The following MAP2K1 variants were observed in gnomAD, a reference collection of about 807,000 sequenced individuals.
MAP2K1 encodes mitogen-activated protein kinase kinase 1.
MAP2K1 carries 16 observed loss-of-function variants against 46.3 expected under a neutral mutation model. The observed-to-expected ratio is 0.35, with a 90% CI of 0.23 to 0.52. MAP2K1 has a LOEUF of 0.52. Ranked by LOEUF, MAP2K1 falls within the 20% of genes least tolerant of loss-of-function variation. The probability of loss-of-function intolerance (pLI) is 0.94; values close to 1 mark genes in which losing one functional copy is unlikely to be tolerated. For synonymous variants in MAP2K1, 183 were observed against 185.6 expected (o/e 0.99, Z 0.11); for missense variants, 263 against 497.1 (o/e 0.53, Z 4.48).
At chr15:66,461,130 A>G (rs1892308364) in intron 5 of MAP2K1, among the ~76,000 whole-genome samples, 1 of 152,300 alleles carries the variant, frequency 6.6e-6, no homozygotes, top group East Asian at 1.9e-4. Context: ...TGAAACTCAG[A>G]GTGAATTTTA....
At chr15:66,472,075 CAAA>C (rs56820379) in intron 5 of MAP2K1, among the ~76,000 whole-genome samples, 3 of 91,576 alleles carry the variant, frequency 3.3e-5, no homozygotes, top group African/African-American at 4.6e-5. Flanking sequence ...GACTCCATCT[CAAA>C]AAAAAAAAAA....
chr15:66,398,736 A>T (rs2093374114), intron 1 of MAP2K1, among the ~76,000 whole-genome samples: 1 of 151,800 alleles, frequency 6.6e-6, no homozygotes, highest in Non-Finnish European at 1.5e-5. Context: ...CATTGTTGAG[A>T]CAGTTGGGGA....
intron 1 of MAP2K1, among the ~76,000 whole-genome samples, chr15:66,418,496 G>A (rs1047294265): frequency 1.6e-4 from 24 of 152,196 alleles, no homozygotes; most frequent in Non-Finnish European, 3.1e-4. Flanking sequence ...TGACTGGAAG[G>A]ATAAAAGATA....
chr15:66,447,543 T>C (rs889227929), intron 5 of MAP2K1, among the ~76,000 whole-genome samples: 1 of 150,712 alleles, frequency 6.6e-6, no homozygotes, highest in East Asian at 2.0e-4. Flanking sequence ...ACACAAAAAT[T>C]AGCTGCGTGT....
intron 1 of MAP2K1, among the ~76,000 whole-genome samples, chr15:66,429,688 A>AAC (rs2093470169): frequency 4.0e-5 from 1 of 24,960 alleles, no homozygotes; most frequent in South Asian, 1.7e-3. Flanking sequence ...CGTCCCCCCC[A>AAC]ACACAGATGG....
chr15:66,485,639 C>T (rs1476728364), intron 7 of MAP2K1, among the ~76,000 whole-genome samples: 2 of 152,002 alleles, frequency 1.3e-5, no homozygotes, highest in African/African-American at 4.8e-5. Flanking sequence ...AGTGCAATGG[C>T]ATGATCACAG....
intron 5 of MAP2K1, among the ~76,000 whole-genome samples, chr15:66,447,084 T>C (rs1891888408): frequency 2.0e-5 from 3 of 151,852 alleles, no homozygotes; most frequent in African/African-American, 7.3e-5. Flanking sequence ...CGGAGATGAG[T>C]GGACTAGGGT....
intron 5 of MAP2K1, among the ~76,000 whole-genome samples, chr15:66,461,476 CTAAATAAA>C (rs10641341): frequency 0.04 from 5,665 of 140,146 alleles, 283 homozygotes; most frequent in African/African-American, 0.12. Context: ...GACTCTGTCT[CTAAATAAA>C]TAAATAAATA....
At chr15:66,460,529 T>A (rs1892291015) in intron 5 of MAP2K1, among the ~76,000 whole-genome samples, 1 of 152,154 alleles carries the variant, frequency 6.6e-6, no homozygotes, top group African/African-American at 2.4e-5. Context: ...AACAAAGGGT[T>A]CCTGATGGCA....
intron 1 of MAP2K1, among the ~76,000 whole-genome samples, chr15:66,396,787 C>T (rs545555621): frequency 3.3e-5 from 5 of 150,122 alleles, no homozygotes; most frequent in South Asian, 4.3e-4. Context: ...TGGGTTCAAG[C>T]GATTCTCCTG....
At chr15:66,490,239 G>A (rs532688440) in intron 10 of MAP2K1, 75 of 607,514 alleles carry the variant, frequency 1.2e-4, no homozygotes, top group South Asian at 1.1e-3. Flanking sequence ...AAGCCTGTGA[G>A]GCATTTAAGG....
intron 1 of MAP2K1, among the ~76,000 whole-genome samples, chr15:66,419,345 C>A (rs1390656320): frequency 6.6e-6 from 1 of 151,862 alleles, no homozygotes; most frequent in Non-Finnish European, 1.5e-5. Context: ...CATGGCAAAA[C>A]CCCGTCTCTA....
At chr15:66,470,203 A>G (rs1012321117) in intron 5 of MAP2K1, among the ~76,000 whole-genome samples, 10 of 149,178 alleles carry the variant, frequency 6.7e-5, no homozygotes, top group Admixed American at 1.4e-4. Flanking sequence ...AGAGTTGGTC[A>G]AACCCAAGGG....
intron 5 of MAP2K1, among the ~76,000 whole-genome samples, chr15:66,466,412 C>T (rs913280783): frequency 2.0e-5 from 3 of 151,672 alleles, no homozygotes; most frequent in African/African-American, 7.3e-5. Flanking sequence ...GGCGTGGTGG[C>T]TCACGCCTGT....
intron 1 of MAP2K1, chr15:66,415,269 CT>C (rs145276582): frequency 0.013 from 4,791 of 370,252 alleles, 214 homozygotes; most frequent in African/African-American, 0.096. Context: ...ATTGAATCAC[CT>C]TATTGGCGTA....
intron 5 of MAP2K1, among the ~76,000 whole-genome samples, chr15:66,472,302 T>TC (rs1344245319): frequency 3.8e-5 from 4 of 104,542 alleles, no homozygotes; most frequent in African/African-American, 1.8e-4. Context: ...AGACTTCGTC[T>TC]CAAAAAAAAA....
intron 7 of MAP2K1, 39 bp downstream of exon 7, chr15:66,485,230 G>A: frequency 6.3e-7 from 1 of 1,584,186 alleles, no homozygotes; most frequent in Admixed American, 1.7e-5. Context: ...GACTGTTGGA[G>A]GGGAGGGTCC....
intron 1 of MAP2K1, among the ~76,000 whole-genome samples, chr15:66,423,319 T>G: frequency 6.6e-6 from 1 of 152,216 alleles, no homozygotes; most frequent in African/African-American, 2.4e-5. Flanking sequence ...TTTTAAGGCC[T>G]CTGTCTGATA....
At chr15:66,408,370 C>T (rs921672059) in intron 1 of MAP2K1, among the ~76,000 whole-genome samples, 5 of 152,156 alleles carry the variant, frequency 3.3e-5, no homozygotes, top group Admixed American at 1.3e-4. Context: ...TTCAGTGAAA[C>T]AGGAGTCTGC....
Sources: allele counts gnomAD v4.1 joint callset (sites outside exome capture counted in the v4.1 genomes callset), GRCh38; gene constraint gnomAD v4.1.1; transcripts MANE v1.5; gene names NCBI Gene and HGNC (gene_info 2026-07-23, HGNC 2026-07-21).